UBE2D3: variants seen among roughly 807,000 people sequenced by gnomAD.
UBE2D3 encodes ubiquitin conjugating enzyme E2 D3.
In UBE2D3, 2 loss-of-function variants were observed where a neutral mutation model predicts 22.8. The ratio of observed to expected loss-of-function variants is 0.09; its 90% confidence interval spans 0.04 to 0.28. The LOEUF (loss-of-function observed/expected upper bound fraction) is 0.28, where lower values mean the gene tolerates loss of function less well. Ranked by LOEUF, UBE2D3 falls within the 10% of genes least tolerant of loss-of-function variation. The pLI is 1.00. For synonymous variants in UBE2D3, 56 were observed against 60.4 expected (o/e 0.93, Z 0.34); for missense variants, 27 against 182.5 (o/e 0.15, Z 4.91).
chr4:102,797,362 A>G lies in UBE2D3; in HGVS notation c.*53T>C, dbSNP rs1725372433. 6.8e-7 allele frequency: 1 copy of G among 1,465,470 alleles called. No homozygotes were observed. Among genetic ancestry groups the G allele is most frequent in the Non-Finnish European group, 9.3e-7 (1 of 1,070,678 alleles). 90.8% of individuals were successfully genotyped at this position (1,465,470 alleles called of 1,614,324 possible). On this transcript the variant is annotated 3_prime_UTR_variant, in exon 8 of 8. Coordinates refer to ENST00000453744, the MANE Select transcript of UBE2D3 (RefSeq NM_181891.3). ...ATAAGAAAATCAAAAAAGGAACAGT[A>G]ATTTAAAGTTTATTCCAGCTATAAT...
At chr4:102,806,576 A>T (rs1560849923) in intron 4 of UBE2D3, among the ~76,000 whole-genome samples, 1 of 152,176 alleles carries the variant, frequency 6.6e-6, no homozygotes, top group Non-Finnish European at 1.5e-5. Flanking sequence ...TTTAATTCAG[A>T]TAGTTTTTCT....
At chr4:102,825,647 A>G (rs2110332517) in intron 2 of UBE2D3, 2 of 1,037,002 alleles carry the variant, frequency 1.9e-6, no homozygotes, top group East Asian at 6.0e-5. Context: ...ACTTAAATCG[A>G]TAATATACTA....
At chr4:102,825,799 T>A in intron 2 of UBE2D3, 2 of 457,844 alleles carry the variant, frequency 4.4e-6, no homozygotes, top group Non-Finnish European at 8.7e-6. Context: ...GCTTCCAGAA[T>A]GCCTTTTACA....
At chr4:102,826,928 G>T in intron 1 of UBE2D3, 1 of 1,012,034 alleles carries the variant, frequency 9.9e-7, no homozygotes, top group Non-Finnish European at 1.2e-6. Context: ...GCCCAGCAGA[G>T]GAGGAGCCGG....
chr4:102,827,226 C>G (rs1010614236), intron 1 of UBE2D3: 2 of 981,536 alleles, frequency 2.0e-6, no homozygotes, highest in Non-Finnish European at 2.4e-6. Context: ...CCCTGAGGCT[C>G]CGGCTTAGGC....
intron 1 of UBE2D3, among the ~76,000 whole-genome samples, chr4:102,857,110 C>G (rs1169594981): frequency 1.3e-5 from 2 of 152,130 alleles, no homozygotes; most frequent in African/African-American, 4.8e-5. Flanking sequence ...CACACTAATG[C>G]AGGATATTAA....
intron 7 of UBE2D3, chr4:102,798,990 G>A (rs1290547106): frequency 6.2e-7 from 1 of 1,606,602 alleles, no homozygotes; most frequent in South Asian, 1.1e-5. Flanking sequence ...AATTGAACAA[G>A]TACACTTAGC....
intron 4 of UBE2D3, 128 bp from the exon 5 acceptor site, chr4:102,802,766 A>G (rs988571361): frequency 3.4e-5 from 20 of 584,890 alleles, no homozygotes; most frequent in Non-Finnish European, 5.2e-5. Flanking sequence ...TAAATAATCT[A>G]TTCCATGAAA....
intron 2 of UBE2D3, among the ~76,000 whole-genome samples, chr4:102,823,257 G>A (rs1226605937): frequency 6.6e-6 from 1 of 152,130 alleles, no homozygotes; most frequent in African/African-American, 2.4e-5. Context: ...CTCTGGACCA[G>A]GCTGCCTAGG....
In UBE2D3 at chr4:102,856,827, A is replaced by G. The variant is rs919810125; in HGVS notation, c.-129+11888T>C. On this transcript the variant is annotated intron_variant, in intron 1 of 7. Coordinates refer to the UBE2D3 transcript ENST00000338145. ...CCTACTCCAGAGATTGAGGTTTTAA[A>G]TATCAGGAAGAATTTTATTTAGAAG... 3.9e-5 allele frequency among the ~76,000 whole-genome samples: 6 copies of G among 152,322 alleles called. 1 individual carries two copies. Among genetic ancestry groups the G allele is most frequent in the Admixed American group, 3.3e-4 (5 of 15,306 alleles).
rs903392079 is a variant in UBE2D3, at chr4:102,842,663, C to T, written c.-128-16027G>A. ...CTAGACCAAAACCAAACAAACACCC[C>T]TGTTTAAAGGCACTTGTTAGTGACA... On this transcript the variant is annotated intron_variant, in intron 1 of 7. Transcript: ENST00000338145. Among the ~76,000 whole-genome samples the T allele has an allele frequency of 2.0e-5, 3 of 152,262 alleles. No individual in the cohort carries two copies. The East Asian group carries it at 5.8e-4, about 29-fold the overall frequency.
At chr4:102,801,601 AAC>A (rs1393518359) in intron 5 of UBE2D3, 42 bp from the exon 6 acceptor site, 1 of 1,462,684 alleles carries the variant, frequency 6.8e-7, no homozygotes, top group Admixed American at 2.0e-5. Context: ...AATAAAAACA[AAC>A]ATCTTTTAAA....
chr4:102,799,544 G>A, intron 6 of UBE2D3, 44 bp from the exon 7 acceptor site: 1 of 1,496,736 alleles, frequency 6.7e-7, no homozygotes, highest in Non-Finnish European at 9.2e-7. Context: ...TCAGGAGTTT[G>A]GATAAATAAA....
At chr4:102,823,224 A>C (rs186203679) in intron 2 of UBE2D3, among the ~76,000 whole-genome samples, 1 of 152,344 alleles carries the variant, frequency 6.6e-6, no homozygotes, top group East Asian at 1.9e-4. Flanking sequence ...ATGATATCAA[A>C]CTGTAGTTGT....
rs545636269 is a variant in UBE2D3, at chr4:102,859,311, T to C, written c.-129+9404A>G. 5.9e-5 allele frequency among the ~76,000 whole-genome samples: 9 copies of C among 152,144 alleles called. No individual in the cohort carries two copies. In the South Asian group the frequency reaches 1.9e-3, roughly 32 times the overall value. On this transcript the variant is annotated intron_variant, in intron 1 of 7. Coordinates refer to the UBE2D3 transcript ENST00000338145. ...AGGAGCTCCCTTGTACATGACAAGT[T>C]GCTTTCCTCTGCTGCTTTCAAATTC... is the stretch of plus-strand genomic sequence containing the variant.
chr4:102,828,334 C>T (rs896445857), upstream of UBE2D3: 2 of 923,426 alleles, frequency 2.2e-6, no homozygotes, highest in Non-Finnish European at 2.6e-6. Flanking sequence ...AGTATTTACT[C>T]GCCTGCCCTC....
chr4:102,823,916 ACAAGAATAAATT>A (rs1462888573), intron 2 of UBE2D3, among the ~76,000 whole-genome samples: 1 of 152,250 alleles, frequency 6.6e-6, no homozygotes, highest in African/African-American at 2.4e-5. Flanking sequence ...GGACCTTCAG[ACAAGAATAAATT>A]CGAAATAGGT....
intron 2 of UBE2D3, among the ~76,000 whole-genome samples, chr4:102,816,817 G>C (rs907464861): frequency 6.6e-6 from 1 of 152,026 alleles, no homozygotes; most frequent in Non-Finnish European, 1.5e-5. Flanking sequence ...TCATTCATAG[G>C]AACATTGCCT....
chr4:102,866,454 G>C (rs927768620), intron 1 of UBE2D3, among the ~76,000 whole-genome samples: 4 of 152,156 alleles, frequency 2.6e-5, no homozygotes, highest in African/African-American at 9.7e-5. Context: ...TGGTTGGAAG[G>C]GTCGCTTTTT....
Sources: allele counts gnomAD v4.1 joint callset (sites outside exome capture counted in the v4.1 genomes callset), GRCh38; gene constraint gnomAD v4.1.1; transcripts MANE v1.5; gene names NCBI Gene and HGNC (gene_info 2026-07-23, HGNC 2026-07-21).